CNTN3: variants seen among roughly 807,000 people sequenced by gnomAD.
CNTN3 encodes the protein contactin-3.
A neutral mutation model predicts 119.1 loss-of-function variants in CNTN3; 60 were observed. That is an observed-to-expected ratio of 0.50 (90% CI 0.41 to 0.62). CNTN3 has a LOEUF of 0.62. Among genes scored for constraint, CNTN3 ranks in the 20% least tolerant of loss-of-function variants. The pLI, the probability that CNTN3 is intolerant of heterozygous loss-of-function variation, is 0.00. For synonymous variants in CNTN3, 450 were observed against 438.7 expected, an observed-to-expected ratio of 1.03 and a Z score of -0.32; for missense variants, 1,101 against 1,242.4, an observed-to-expected ratio of 0.89 and a Z score of 1.71.
chr3:74,521,856 C>T (rs1157258032), intron 1 of CNTN3, among the ~76,000 whole-genome samples: 1 of 151,776 alleles, frequency 6.6e-6, no homozygotes, highest in African/African-American at 2.4e-5. Context: ...TTTTGAGTGG[C>T]CACTTAAAAC....
At chr3:74,472,557 A>G (rs1702584987) in intron 4 of CNTN3, among the ~76,000 whole-genome samples, 1 of 152,220 alleles carries the variant, frequency 6.6e-6, no homozygotes, top group Admixed American at 6.5e-5. Context: ...TGTTTCATTT[A>G]TATGGAAAGA....
chr3:74,539,720 A>G (rs989140635), intron 1 of CNTN3, among the ~76,000 whole-genome samples: 2 of 152,182 alleles, frequency 1.3e-5, no homozygotes, highest in Non-Finnish European at 2.9e-5. Context: ...TTACTGACAC[A>G]TACTTTGCTC....
intron 5 of CNTN3, among the ~76,000 whole-genome samples, chr3:74,413,109 G>A (rs2106873939): frequency 6.6e-6 from 1 of 152,284 alleles, no homozygotes; most frequent in Non-Finnish European, 1.5e-5. Context: ...GAGCAAAAAT[G>A]ATGTCTATAC....
intron 4 of CNTN3, among the ~76,000 whole-genome samples, chr3:74,433,195 T>C (rs536054729): frequency 6.6e-6 from 1 of 152,238 alleles, no homozygotes; most frequent in African/African-American, 2.4e-5. Flanking sequence ...GTCGGGGGTA[T>C]ACACAGGCTC....
At chr3:74,550,871 G>A (rs1703980084) in intron 1 of CNTN3, among the ~76,000 whole-genome samples, 1 of 152,148 alleles carries the variant, frequency 6.6e-6, no homozygotes, top group South Asian at 2.1e-4. Context: ...AGCCTCCATA[G>A]GGCTGGCAAA....
intron 11 of CNTN3, among the ~76,000 whole-genome samples, chr3:74,338,954 T>C (rs505598): frequency 0.092 from 13,940 of 152,084 alleles, 1,884 homozygotes; most frequent in African/African-American, 0.3. Flanking sequence ...ATGCATTTTG[T>C]TGAGTGTGAA....
intron 12 of CNTN3, 88 bp downstream of exon 12, chr3:74,336,443 A>G (rs1664939567): frequency 7.2e-7 from 1 of 1,398,228 alleles, no homozygotes; most frequent in Non-Finnish European, 1.0e-6. Flanking sequence ...AGTGTACTGA[A>G]CATTGTGAAA....
intron 5 of CNTN3, among the ~76,000 whole-genome samples, chr3:74,410,000 A>G (rs951428826): frequency 6.6e-6 from 1 of 152,226 alleles, no homozygotes; most frequent in African/African-American, 2.4e-5. Context: ...TGAATTCTTT[A>G]ACACCTTTTA....
chr3:74,523,204 G>T (rs746849428), intron 1 of CNTN3, among the ~76,000 whole-genome samples: 3 of 151,622 alleles, frequency 2.0e-5, no homozygotes, highest in East Asian at 1.9e-4. Context: ...TTTATAACTG[G>T]CAGCCATAGT....
chr3:74,457,617 A>G (rs1240158704), intron 4 of CNTN3, among the ~76,000 whole-genome samples: 1 of 36,986 alleles, frequency 2.7e-5, no homozygotes, highest in Non-Finnish European at 7.2e-5. Flanking sequence ...AAACCAGTGA[A>G]AAAGGGTTTA....
intron 13 of CNTN3, among the ~76,000 whole-genome samples, chr3:74,320,515 T>C (rs1284997044): frequency 6.6e-6 from 1 of 151,890 alleles, no homozygotes; most frequent in African/African-American, 2.4e-5. Flanking sequence ...CCAGGGACTG[T>C]TGTGGGGTGG....
rs138007927 is a variant in CNTN3, at chr3:74,275,618, G to A, written c.2705-8240C>T. The stretch of plus-strand genomic sequence containing the variant: ...GCCACGACAAGAACTGCTAAAAGGA[G>A]CTCTAAATCTTGAAGCAAATCCTGG... On this transcript the variant is annotated intron_variant, in intron 20 of 22. Transcript: ENST00000263665. 3.0e-3 allele frequency among the ~76,000 whole-genome samples: 456 copies of A among 152,030 alleles called. 3 individuals carry two copies. Among genetic ancestry groups the A allele is most frequent in the African/African-American group, 0.01 (432 of 41,516 alleles).
intron 1 of CNTN3, among the ~76,000 whole-genome samples, chr3:74,572,415 C>A (rs182872151): frequency 6.6e-6 from 1 of 151,908 alleles, no homozygotes; most frequent in African/African-American, 2.4e-5. Context: ...CAAAGAAGAA[C>A]AGCTAATGAA....
At chr3:74,398,531 G>T (rs533514632) in intron 5 of CNTN3, among the ~76,000 whole-genome samples, 4 of 152,176 alleles carry the variant, frequency 2.6e-5, no homozygotes, top group Admixed American at 6.5e-5. Flanking sequence ...TATGTGACTT[G>T]CTTTGTTGCC....
intron 2 of CNTN3, among the ~76,000 whole-genome samples, chr3:74,501,327 C>A (rs1429046230): frequency 6.6e-6 from 1 of 151,982 alleles, no homozygotes; most frequent in East Asian, 1.9e-4. Context: ...ATAAATAACT[C>A]TAGACACGGA....
intron 11 of CNTN3, among the ~76,000 whole-genome samples, chr3:74,357,769 A>C (rs1422567055): frequency 1.3e-5 from 2 of 152,216 alleles, no homozygotes; most frequent in African/African-American, 4.8e-5. Flanking sequence ...GTCCAAATTA[A>C]CCACTTAAAA....
intron 11 of CNTN3, among the ~76,000 whole-genome samples, chr3:74,358,596 G>GTTTT (rs1559562150): frequency 2.2e-5 from 3 of 137,574 alleles, no homozygotes; most frequent in African/African-American, 5.6e-5. Flanking sequence ...TTTTTTTTTT[G>GTTTT]ATTTATTTAT....
At chr3:74,472,720 T>A (rs1367203502) in intron 4 of CNTN3, among the ~76,000 whole-genome samples, 1 of 152,230 alleles carries the variant, frequency 6.6e-6, no homozygotes, top group Admixed American at 6.5e-5. Flanking sequence ...ATACTGTGAA[T>A]GGCATACTGA....
intron 1 of CNTN3, among the ~76,000 whole-genome samples, chr3:74,597,165 T>C (rs1559673559): frequency 6.6e-6 from 1 of 152,116 alleles, no homozygotes; most frequent in Non-Finnish European, 1.5e-5. Context: ...ATATTGTTTG[T>C]ACACAAGCTT....
Sources: gnomAD v4.1 joint callset for allele counts (sites outside exome capture counted in the v4.1 genomes callset) on GRCh38, gnomAD v4.1.1 for gene constraint, MANE v1.5 for transcripts, NCBI Gene and HGNC (gene_info 2026-07-23, HGNC 2026-07-21) for gene names.